PAG1: variants seen among roughly 807,000 people sequenced by gnomAD.
PAG1 encodes the protein phosphoprotein membrane anchor with glycosphingolipid microdomains 1, also known as phosphoprotein associated with glycosphingolipid-enriched microdomains 1.
PAG1 carries 23 observed loss-of-function variants against 31.7 expected under a neutral mutation model. The observed-to-expected ratio is 0.73, with a 90% CI of 0.52 to 1.03. The LOEUF (loss-of-function observed/expected upper bound fraction) is 1.03. Ranked by LOEUF, PAG1 falls within the 50% of genes least tolerant of loss-of-function variation. The pLI is 0.00. For synonymous variants in PAG1, 214 were observed against 210.3 expected, an observed-to-expected ratio of 1.02 and a Z score of -0.15; for missense variants, 473 against 540.7, an observed-to-expected ratio of 0.87 and a Z score of 1.24.
intron 3 of PAG1, among the ~76,000 whole-genome samples, chr8:81,018,415 T>G (rs1808107636): frequency 6.6e-6 from 1 of 152,240 alleles, no homozygotes; most frequent in South Asian, 2.1e-4. Flanking sequence ...CAACTGGTCT[T>G]GCTTTCCTAG....
chr8:80,974,928 A>C lies in PAG1; in HGVS notation c.*1616T>G, dbSNP rs972465485. The C allele has an allele frequency of 5.9e-5, 9 of 152,222 alleles. No individual in the cohort carries two copies. The highest frequency in any genetic ancestry group is 2.2e-4 in the African/African-American group (9 of 41,458). 9.4% of individuals were successfully genotyped at this position (152,222 alleles called of 1,614,324 possible). On this transcript the variant is annotated 3_prime_UTR_variant, in exon 9 of 9. Coordinates refer to ENST00000220597, the MANE Select transcript of PAG1 (RefSeq NM_018440.4). ...AGATCTAAAGAGATGATTAAATTCAAACCAGGCTGAGCTCTTACTCTGAGC... is the reference window on the plus strand; with the variant it reads ...AGATCTAAAGAGATGATTAAATTCACACCAGGCTGAGCTCTTACTCTGAGC...
rs186969081 is a variant in PAG1, at chr8:81,053,848, G to A, written c.-175+16264C>T. Among the ~76,000 whole-genome samples the A allele has an allele frequency of 3.0e-3, 453 of 152,284 alleles. 2 individuals are homozygous for A. Among genetic ancestry groups the A allele is most frequent in the Middle Eastern group, 0.01 (3 of 294 alleles). On this transcript the variant is annotated intron_variant, in intron 2 of 8. Coordinates refer to ENST00000220597, the MANE Select transcript of PAG1 (RefSeq NM_018440.4). Reference sequence around the variant, plus strand: ...CTAAATTTAGGAATCAAGATCTTATGAGAAAGGTTGAAAGTAGTGAGCAAG... The same window carrying A: ...CTAAATTTAGGAATCAAGATCTTATAAGAAAGGTTGAAAGTAGTGAGCAAG...
intron 2 of PAG1, among the ~76,000 whole-genome samples, chr8:81,040,444 G>T (rs1220270929): frequency 6.6e-6 from 1 of 152,036 alleles, no homozygotes; most frequent in African/African-American, 2.4e-5. Context: ...CTAATCAGGT[G>T]ATTTGGTGTT....
At chr8:81,091,964 C>T (rs1184857009) in intron 1 of PAG1, among the ~76,000 whole-genome samples, 2 of 148,586 alleles carry the variant, frequency 1.3e-5, no homozygotes, top group African/African-American at 5.0e-5. Flanking sequence ...TGCATCACTG[C>T]ACTCCAGCCT....
chr8:80,994,146 C>T (rs549206773), intron 3 of PAG1, among the ~76,000 whole-genome samples: 211 of 151,574 alleles, frequency 1.4e-3, no homozygotes, highest in African/African-American at 4.7e-3. Context: ...ACTGCCATCT[C>T]TCATCTCCCT....
chr8:81,095,556 C>T (rs1180177729), intron 1 of PAG1, among the ~76,000 whole-genome samples: 1 of 152,156 alleles, frequency 6.6e-6, no homozygotes, highest in Non-Finnish European at 1.5e-5. Context: ...CAGGGGGACC[C>T]TCCCTAGCCT....
intron 7 of PAG1, 39 bp from the exon 8 acceptor site, chr8:80,980,533 G>T (rs200899082): frequency 4.7e-6 from 6 of 1,268,190 alleles, no homozygotes; most frequent in Non-Finnish European, 6.9e-6. Flanking sequence ...GTAATTCAGC[G>T]TTAACAATCT....
In PAG1 at chr8:81,081,612, G is replaced by A. The variant is rs183052368; in HGVS notation, c.-233-11442C>T. Among the ~76,000 whole-genome samples the A allele has an allele frequency of 1.7e-3, 253 of 152,144 alleles. 1 individual carries two copies. Among genetic ancestry groups the A allele is most frequent in the African/African-American group, 5.9e-3 (246 of 41,506 alleles). ...ACCACATCCTTAACTCCTAGCAATC[G>A]TGAATCTCATCTCTATTTGTACGAC... On this transcript the variant is annotated intron_variant, in intron 1 of 8. Coordinates refer to ENST00000220597, the MANE Select transcript of PAG1 (RefSeq NM_018440.4).
At chr8:81,060,365 A>C (rs1808898431) in intron 2 of PAG1, among the ~76,000 whole-genome samples, 1 of 152,230 alleles carries the variant, frequency 6.6e-6, no homozygotes, top group Non-Finnish European at 1.5e-5. Context: ...CCTAAAAGTC[A>C]AAGAGCAGAG....
Position 80,976,048 on chromosome 8 carries a change from G to C in PAG1, c.*496C>G, listed in dbSNP as rs529977225. 2.6e-5 allele frequency: 4 copies of C among 155,440 alleles called. No individual in the cohort carries two copies. In the East Asian group the frequency reaches 5.7e-4, roughly 22 times the overall value. 9.6% of individuals were successfully genotyped at this position (155,440 alleles called of 1,614,324 possible). ...CACCTATATTGAGGGCAAAGGCCAA[G>C]CTTTGTGTGAAAATTTCCTTGGGAT... On this transcript the variant is annotated 3_prime_UTR_variant, in exon 9 of 9. Coordinates refer to ENST00000220597, the MANE Select transcript of PAG1 (RefSeq NM_018440.4).
chr8:81,104,161 A>C (rs986009723), intron 1 of PAG1, among the ~76,000 whole-genome samples: 2 of 152,098 alleles, frequency 1.3e-5, no homozygotes, highest in African/African-American at 4.8e-5. Context: ...AAAAGCCACC[A>C]TTATCTGTGT....
intron 7 of PAG1, among the ~76,000 whole-genome samples, chr8:80,981,667 C>T (rs1324524022): frequency 2.0e-5 from 3 of 152,036 alleles, no homozygotes; most frequent in Non-Finnish European, 4.4e-5. Context: ...TTTCCATGTT[C>T]CTCCTTCAGG....
At chr8:80,980,402 A>G in intron 8 of PAG1, 33 bp downstream of exon 8, 4 of 1,246,522 alleles carry the variant, frequency 3.2e-6, no homozygotes, top group Non-Finnish European at 3.5e-6. Context: ...TCTTTACTAC[A>G]GTTTTCCCTT....
intron 2 of PAG1, among the ~76,000 whole-genome samples, chr8:81,031,432 A>C (rs1263740064): frequency 6.6e-6 from 1 of 152,246 alleles, no homozygotes; most frequent in Non-Finnish European, 1.5e-5. Context: ...CTTCAAGTCA[A>C]GCCTCCTTCT....
At chr8:81,111,039 C>T (rs1170144758) in intron 1 of PAG1, among the ~76,000 whole-genome samples, 2 of 152,216 alleles carry the variant, frequency 1.3e-5, no homozygotes, top group Non-Finnish European at 2.9e-5. Context: ...TTCACACGCC[C>T]AGAGCTCGTT....
chr8:81,109,999 GT>G (rs112254868), intron 1 of PAG1, among the ~76,000 whole-genome samples: 19,798 of 152,126 alleles, frequency 0.13, 1,436 homozygotes, highest in East Asian at 0.21. Flanking sequence ...ATGTGTTGAT[GT>G]GACTAACTTT....
intron 3 of PAG1, among the ~76,000 whole-genome samples, chr8:81,015,730 G>C (rs148279800): frequency 6.3e-4 from 96 of 152,256 alleles, no homozygotes; most frequent in African/African-American, 2.2e-3. Context: ...TTCTTCACAG[G>C]ATTGTTGTGA....
intron 1 of PAG1, among the ~76,000 whole-genome samples, chr8:81,077,926 G>T (rs918015772): frequency 6.6e-6 from 1 of 152,126 alleles, no homozygotes; most frequent in South Asian, 2.1e-4. Flanking sequence ...TTTCCCTCAA[G>T]GCATGGTCTT....
At chr8:80,986,405 T>C (rs1807423172) in intron 6 of PAG1, among the ~76,000 whole-genome samples, 1 of 152,142 alleles carries the variant, frequency 6.6e-6, no homozygotes, top group Non-Finnish European at 1.5e-5. Flanking sequence ...GACGCCCTCT[T>C]ACCTCAGGTA....
Sources: allele counts gnomAD v4.1 joint callset (sites outside exome capture counted in the v4.1 genomes callset), GRCh38; gene constraint gnomAD v4.1.1; transcripts MANE v1.5; gene names NCBI Gene and HGNC (gene_info 2026-07-23, HGNC 2026-07-21).